HEATR5B: variants seen among roughly 807,000 people sequenced by gnomAD.
HEATR5B encodes HEAT repeat-containing protein 5B.
In HEATR5B, 156 loss-of-function variants were observed where a neutral mutation model predicts 224.1. The observed-to-expected ratio is 0.70, with a 90% CI of 0.61 to 0.80. The LOEUF (loss-of-function observed/expected upper bound fraction) is 0.80, where lower values mean the gene tolerates loss of function less well. Among genes scored for constraint, HEATR5B ranks in the 30% least tolerant of loss-of-function variants. HEATR5B has a pLI of 0.00. For missense variants in HEATR5B, 2,323 were observed against 2,535.5 expected (o/e 0.92, Z 1.80); for synonymous variants, 1,027 against 893.0 (o/e 1.15, Z -2.68).
At chr2:37,070,146 C>T (rs989983861) in intron 7 of HEATR5B, 84 bp downstream of exon 7, 123 of 1,295,854 alleles carry the variant, frequency 9.5e-5, no homozygotes, top group African/African-American at 2.2e-4. Context: ...GCAATCTGCC[C>T]GCCTTGGCCT....
At chr2:37,051,593 T>C (rs949611032) in intron 17 of HEATR5B, among the ~76,000 whole-genome samples, 1 of 152,034 alleles carries the variant, frequency 6.6e-6, no homozygotes, top group African/African-American at 2.4e-5. Context: ...AATATTACAG[T>C]TGGTTCACTA....
At position 37,003,568 on chromosome 2, in the gene HEATR5B, T is replaced by G. The variant is rs766895821; in HGVS notation, c.5024A>C (p.Tyr1675Ser). 1 of 1,609,022 alleles carries G rather than the reference T, an allele frequency of 6.2e-7. No homozygotes were observed. The highest frequency in any genetic ancestry group is 8.5e-7 in the Non-Finnish European group (1 of 1,177,044). ...TAGAGTGTTTCTTTTCTCTTGCAAA[T>G]AATCCTGAGCAGCTCTTACTATCTG... ...VQQIVRAAQD[Y>S]LQEKRNTLNE... The change falls in exon 31 of 36, where the codon TAT (tyrosine) becomes TCT (serine). Residue 1675 changes from tyrosine (Y) to serine (S), a missense_variant. Coordinates refer to ENST00000233099, the MANE Select transcript of HEATR5B (RefSeq NM_019024.3).
chr2:37,001,724 C>T (rs1386830472), intron 32 of HEATR5B, among the ~76,000 whole-genome samples: 1 of 151,106 alleles, frequency 6.6e-6, no homozygotes, highest in Non-Finnish European at 1.5e-5. Context: ...AGTGCAATGG[C>T]GTGATCTCGG....
At chr2:37,042,029 G>A (rs1374472017) in intron 18 of HEATR5B, among the ~76,000 whole-genome samples, 1 of 151,630 alleles carries the variant, frequency 6.6e-6, no homozygotes, top group Non-Finnish European at 1.5e-5. Flanking sequence ...TTTAAAAAAG[G>A]CCAATCTTTT....
intron 11 of HEATR5B, among the ~76,000 whole-genome samples, chr2:37,061,230 G>A (rs1033212330): frequency 6.6e-6 from 1 of 152,064 alleles, no homozygotes; most frequent in African/African-American, 2.4e-5. Context: ...TCAGACCTAG[G>A]AATCTATATT....
chr2:36,987,070 T>C (rs1010536740), intron 35 of HEATR5B, among the ~76,000 whole-genome samples: 2 of 152,054 alleles, frequency 1.3e-5, no homozygotes, highest in African/African-American at 4.8e-5. Context: ...AGTCTTAAAA[T>C]GTGCATTCCC....
At chr2:37,049,509 A>C (rs1431600971) in intron 18 of HEATR5B, 144 bp downstream of exon 18, 3 of 700,140 alleles carry the variant, frequency 4.3e-6, no homozygotes, top group African/African-American at 1.8e-5. Context: ...CAACTGCTAA[A>C]TTAAAAATTG....
chr2:37,040,704 G>C (rs1669817923), intron 19 of HEATR5B, among the ~76,000 whole-genome samples, 186 bp from the exon 20 acceptor site: 1 of 152,052 alleles, frequency 6.6e-6, no homozygotes, highest in Non-Finnish European at 1.5e-5. Flanking sequence ...ATTTACTTAT[G>C]TATAATAACG....
intron 26 of HEATR5B, among the ~76,000 whole-genome samples, chr2:37,014,381 C>T (rs879257753): frequency 3.3e-5 from 5 of 151,838 alleles, no homozygotes; most frequent in Non-Finnish European, 7.4e-5. Context: ...CCAGGATGGT[C>T]TCGATCTCCT....
At chr2:37,066,498 T>C (rs976953302) in intron 8 of HEATR5B, among the ~76,000 whole-genome samples, 1 of 152,238 alleles carries the variant, frequency 6.6e-6, no homozygotes, top group Non-Finnish European at 1.5e-5. Flanking sequence ...AAAATGAATC[T>C]ATAAGGAAAA....
At chr2:37,022,968 G>C (rs1668556440) in intron 24 of HEATR5B, among the ~76,000 whole-genome samples, 1 of 151,970 alleles carries the variant, frequency 6.6e-6, no homozygotes. Context: ...CAAAGAGAGA[G>C]AGAGAAAAAA....
At chr2:37,042,308 T>C (rs958089873) in intron 18 of HEATR5B, among the ~76,000 whole-genome samples, 2 of 152,206 alleles carry the variant, frequency 1.3e-5, no homozygotes, top group Admixed American at 6.5e-5. Context: ...ATGCAAGAAC[T>C]ATACATGGAT....
In HEATR5B at chr2:37,057,413, T is replaced by G; in HGVS notation, c.2127A>C (p.Thr709=). Residue 709 remains threonine, a synonymous_variant, in exon 15 of 36, where the codon ACA becomes ACC. Coordinates refer to ENST00000233099, the MANE Select transcript of HEATR5B (RefSeq NM_019024.3). ...EFTLTDNSAN[T]TTSLLRSLCH... Reference sequence around the variant, plus strand: ...AGAGGGATCTGAGGAGGGAAGTAGTTGTGTTGGCTGAGTTGTCAGTCAAAG... The same window carrying G: ...AGAGGGATCTGAGGAGGGAAGTAGTGGTGTTGGCTGAGTTGTCAGTCAAAG... 6.2e-7 allele frequency: 1 copy of G among 1,611,832 alleles called. No individual in the cohort carries two copies. The highest frequency in any genetic ancestry group is 8.5e-7 in the Non-Finnish European group (1 of 1,178,956).
intron 14 of HEATR5B, 89 bp downstream of exon 14, chr2:37,058,362 T>G: frequency 1.3e-6 from 1 of 742,664 alleles, no homozygotes; most frequent in Non-Finnish European, 2.4e-6. Flanking sequence ...GCACAGTAAG[T>G]CAGTGGGAGA....
At chr2:37,050,811 G>A (rs1437140335) in intron 17 of HEATR5B, among the ~76,000 whole-genome samples, 5 of 152,128 alleles carry the variant, frequency 3.3e-5, no homozygotes, top group Admixed American at 1.3e-4. Context: ...AGGCCAAGGC[G>A]GGGAGATCAT....
chr2:37,070,428 T>G (rs1334527998), intron 6 of HEATR5B, 41 bp from the exon 7 acceptor site: 1 of 1,492,652 alleles, frequency 6.7e-7, no homozygotes, highest in Non-Finnish European at 9.3e-7. Flanking sequence ...AATATATTTC[T>G]GAGGCACTCT....
intron 11 of HEATR5B, among the ~76,000 whole-genome samples, chr2:37,060,942 G>C (rs531752018): frequency 7.2e-5 from 11 of 151,972 alleles, no homozygotes; most frequent in African/African-American, 1.9e-4. Flanking sequence ...TTAAAATATA[G>C]ATCAAAGCAT....
At chr2:37,002,599 T>C (rs540621064) in intron 31 of HEATR5B, 27 bp from the exon 32 acceptor site, 1 of 1,596,028 alleles carries the variant, frequency 6.3e-7, no homozygotes, top group South Asian at 1.1e-5. Flanking sequence ...TTTGGTGAAA[T>C]TTCCAGCCAA....
chr2:37,034,396 G>A (rs903658954), intron 21 of HEATR5B, among the ~76,000 whole-genome samples: 1 of 140,018 alleles, frequency 7.1e-6, no homozygotes, highest in Non-Finnish European at 1.6e-5. Context: ...GGCGGATCAC[G>A]AGGTCAGGAG....
Sources: gnomAD v4.1 joint callset for allele counts (sites outside exome capture counted in the v4.1 genomes callset) on GRCh38, gnomAD v4.1.1 for gene constraint, MANE v1.5 for transcripts, NCBI Gene and HGNC (gene_info 2026-07-23, HGNC 2026-07-21) for gene names.